The following CCDC198 variants were observed in gnomAD, a reference collection of about 807,000 sequenced individuals.
The protein encoded by CCDC198 is coiled-coil domain containing 198.
In CCDC198, 18 loss-of-function variants were observed where a neutral mutation model predicts 35.6. The ratio of observed to expected loss-of-function variants is 0.51; its 90% CI spans 0.35 to 0.75. The LOEUF is 0.75. CCDC198 is among the 30% of genes least tolerant of loss of function. CCDC198 has a pLI of 0.01. For synonymous variants in CCDC198, 119 were observed against 113.4 expected (o/e 1.05, Z -0.31); for missense variants, 365 against 343.7 (o/e 1.06, Z -0.49).
chr14:57,476,871 C>G (rs2067015184), intron 5 of CCDC198, among the ~76,000 whole-genome samples: 1 of 152,190 alleles, frequency 6.6e-6, no homozygotes, highest in Non-Finnish European at 1.5e-5. Context: ...AAGCGAACTA[C>G]TTTTAGAAGG....
chr14:57,492,119 A>G (rs748947168), intron 1 of CCDC198, among the ~76,000 whole-genome samples: 1 of 151,982 alleles, frequency 6.6e-6, no homozygotes, highest in Non-Finnish European at 1.5e-5. Flanking sequence ...CCATTATTTA[A>G]TTAGATTTTC....
chr14:57,490,940 AC>A, intron 2 of CCDC198, 48 bp downstream of exon 2: 1 of 1,429,738 alleles, frequency 7.0e-7, no homozygotes, highest in Non-Finnish European at 9.8e-7. Flanking sequence ...AAGGGATGTT[AC>A]CATTTTATCC....
At chr14:57,479,098 C>A (rs907738108) in intron 5 of CCDC198, 1 of 1,124,168 alleles carries the variant, frequency 8.9e-7, no homozygotes. Flanking sequence ...AAGTTGTAGA[C>A]AAGCCTGTCC....
Position 57,493,619 on chromosome 14 carries a change from A to G in CCDC198, c.97T>C (p.Phe33Leu). ...TCTTCCAAATTCTGATTGAATGCAA[A>G]GTCCACACGGCCAGCCGAGGGAGTC... ...VETPSAGRVDFAFNQNLEEKT... is the reference protein window; with the variant it reads ...VETPSAGRVDLAFNQNLEEKT... The change falls in exon 1 of 6, where the codon TTT becomes CTT. Residue 33 changes from phenylalanine to leucine, a missense_variant. Physicochemically the swap from Phe to Leu is conservative, Grantham distance 22. Transcript: ENST00000216445. 1 of 1,613,980 alleles carries G rather than the reference A, an allele frequency of 6.2e-7. No individual in the cohort carries two copies. Among genetic ancestry groups the G allele is most frequent in the Non-Finnish European group, 8.5e-7 (1 of 1,179,926 alleles).
At position 57,480,596 on chromosome 14, in the gene CCDC198, G is replaced by A. The variant is rs61741690; in HGVS notation, c.654C>T (p.Pro218=). Residue 218 remains proline (P), a splice_region_variant and synonymous_variant, in exon 5 of 6, where the codon CCC becomes CCT. Coordinates refer to ENST00000216445, the MANE Select transcript of CCDC198 (RefSeq NM_018168.4). ...MLPDEILNRG[P]GNSKNTEFLK... ...ACTAAAAAATTGTACATGACTCACC[G>A]GGACCTCTGTTCAAGATTTCATCAG... 838 of 1,613,454 alleles carry A rather than the reference G, an allele frequency of 5.2e-4. 3 individuals are homozygous for A. In the African/African-American group the frequency reaches 7.5e-3, roughly 14 times the overall value.
Position 57,480,638 on chromosome 14 carries a change from G to A in CCDC198, c.612C>T (p.Asp204=), listed in dbSNP as rs1261517699. 4 of 1,614,164 alleles carry A rather than the reference G, an allele frequency of 2.5e-6. No homozygotes were observed. In the Admixed American group the frequency reaches 5.0e-5, roughly 20 times the overall value. Reference sequence around the variant, plus strand: ...TTTCATCAGGCAACATGGTTAGAAGGTCATGGTCATCATTCCTTGGGGTGC... The same window carrying A: ...TTTCATCAGGCAACATGGTTAGAAGATCATGGTCATCATTCCTTGGGGTGC... The part of the protein sequence containing the change: ...LQSTPRNDDH[D]LLTMLPDEIL... The change falls in exon 5 of 6, where the codon GAC becomes GAT. Residue 204 remains aspartate (D), a synonymous_variant. Transcript: ENST00000216445.
chr14:57,481,850 G>A (rs2067199593), intron 3 of CCDC198, among the ~76,000 whole-genome samples, 190 bp from the exon 4 acceptor site: 1 of 152,162 alleles, frequency 6.6e-6, no homozygotes, highest in Non-Finnish European at 1.5e-5. Flanking sequence ...TGAATGAAGT[G>A]GCTCTTTGAT....
intron 2 of CCDC198, among the ~76,000 whole-genome samples, chr14:57,490,670 T>A (rs1389286784): frequency 2.0e-5 from 3 of 152,128 alleles, no homozygotes; most frequent in African/African-American, 7.2e-5. Context: ...AATTAAATAG[T>A]AGTAGCTGTT....
chr14:57,491,963 T>C (rs1315641653), intron 1 of CCDC198, among the ~76,000 whole-genome samples: 1 of 152,146 alleles, frequency 6.6e-6, no homozygotes, highest in Non-Finnish European at 1.5e-5. Flanking sequence ...GGATGGAAAC[T>C]ATGTCCTTAT....
At chr14:57,483,962 C>G (rs1011682059) in intron 2 of CCDC198, among the ~76,000 whole-genome samples, 2 of 152,184 alleles carry the variant, frequency 1.3e-5, no homozygotes, top group Admixed American at 6.5e-5. Context: ...ATGGAGCTTA[C>G]AATCTATGCA....
intron 3 of CCDC198, 49 bp downstream of exon 3, chr14:57,483,016 G>A: frequency 6.2e-7 from 1 of 1,612,796 alleles, no homozygotes; most frequent in Non-Finnish European, 8.5e-7. Flanking sequence ...CCAATCCTGT[G>A]TCGCCCACCC....
chr14:57,484,837 A>G (rs1336777424), intron 2 of CCDC198, among the ~76,000 whole-genome samples: 1 of 152,206 alleles, frequency 6.6e-6, no homozygotes, highest in African/African-American at 2.4e-5. Context: ...TTGCTTTTTA[A>G]AAAGGGTCAT....
chr14:57,472,798 G>A (rs1190183628), intron 5 of CCDC198, among the ~76,000 whole-genome samples: 1 of 152,170 alleles, frequency 6.6e-6, no homozygotes, highest in Non-Finnish European at 1.5e-5. Flanking sequence ...GAAAGCAACA[G>A]GAGCTTTGTT....
At chr14:57,492,462 G>A (rs2067605126) in intron 1 of CCDC198, among the ~76,000 whole-genome samples, 1 of 151,958 alleles carries the variant, frequency 6.6e-6, no homozygotes, top group South Asian at 2.1e-4. Context: ...CATACTCTTA[G>A]TACACATTCA....
intron 2 of CCDC198, among the ~76,000 whole-genome samples, chr14:57,487,407 G>A (rs56874098): frequency 0.037 from 5,665 of 152,212 alleles, 249 homozygotes; most frequent in African/African-American, 0.11. Flanking sequence ...TAGGGACAGT[G>A]AGATTTGAAC....
rs1230603517 is a variant in CCDC198 at position 57,469,316 on chromosome 14, A to G, written c.*2039T>C. On this transcript the variant is annotated 3_prime_UTR_variant, in exon 6 of 6. Coordinates refer to ENST00000216445, the MANE Select transcript of CCDC198 (RefSeq NM_018168.4). The stretch of plus-strand genomic sequence containing the variant: ...CTCAACACATTCATTAATTCAGCAA[A>G]CATTTAATGATAAACTCTTTGCCAG... 1.3e-5 allele frequency: 2 copies of G among 152,216 alleles called. No individual in the cohort carries two copies. Among genetic ancestry groups the G allele is most frequent in the African/African-American group, 4.8e-5 (2 of 41,452 alleles). The allele number at this position is 152,216 out of a possible 1,614,324, so 9.4% of individuals were successfully genotyped here.
chr14:57,483,220 C>T (rs934137166), intron 2 of CCDC198, 69 bp from the exon 3 acceptor site: 36 of 1,610,542 alleles, frequency 2.2e-5, no homozygotes, highest in Non-Finnish European at 2.9e-5. Context: ...AAAAGCCAGA[C>T]ATTAAATTAT....
At chr14:57,487,637 C>T (rs141474064) in intron 2 of CCDC198, among the ~76,000 whole-genome samples, 27 of 152,250 alleles carry the variant, frequency 1.8e-4, no homozygotes, top group Admixed American at 2.0e-4. Context: ...GGCTGGATAA[C>T]GCTAGTTCAT....
At chr14:57,490,867 A>T in intron 2 of CCDC198, 122 bp downstream of exon 2, 1 of 949,328 alleles carries the variant, frequency 1.1e-6, no homozygotes, top group East Asian at 2.6e-5. Context: ...ATTTTTCTTT[A>T]AGAACATTCT....
Sources: gnomAD v4.1 joint callset for allele counts (sites outside exome capture counted in the v4.1 genomes callset) on GRCh38, gnomAD v4.1.1 for gene constraint, MANE v1.5 for transcripts, NCBI Gene and HGNC (gene_info 2026-07-23, HGNC 2026-07-21) for gene names.